The following LRP1B variants were observed in gnomAD, a reference collection of about 807,000 sequenced individuals.
LRP1B encodes the protein low-density lipoprotein receptor-related protein 1B.
Under a neutral mutation model 556.6 loss-of-function variants are expected in LRP1B, and 217 were observed. That is an observed-to-expected ratio of 0.39 (90% confidence interval 0.35 to 0.44). The LOEUF (loss-of-function observed/expected upper bound fraction) is 0.44. Ranked by LOEUF, LRP1B falls within the 20% of genes least tolerant of loss-of-function variation. The pLI is 1.00. For synonymous variants in LRP1B, 2,047 were observed against 1,865.8 expected, an observed-to-expected ratio of 1.10 and a Z score of -2.50; for missense variants, 5,053 against 5,620.8, an observed-to-expected ratio of 0.90 and a Z score of 3.23.
chr2:141,500,891 C>T (rs1683689121), intron 2 of LRP1B, among the ~76,000 whole-genome samples: 1 of 152,080 alleles, frequency 6.6e-6, no homozygotes, highest in South Asian at 2.1e-4. Context: ...ACAGTTATTT[C>T]TGACAACAGG....
rs541966308 is a variant in LRP1B at position 141,470,428 on chromosome 2, A to G, written c.343+9968T>C. Among the ~76,000 whole-genome samples, 8 of 152,250 alleles carry G rather than the reference A, an allele frequency of 5.3e-5. No individual in the cohort carries two copies. In the South Asian group the frequency reaches 1.5e-3, roughly 28 times the overall value. On this transcript the variant is annotated intron_variant, in intron 3 of 90. Transcript: ENST00000389484. ...TTTTTCCTTTTCAATCAATTAATAA[A>G]CCTGACAGGGAATATATAGTTAGCT...
chr2:141,926,152 GAAAATAAATACA>G (rs932495126), intron 1 of LRP1B, among the ~76,000 whole-genome samples: 2 of 152,066 alleles, frequency 1.3e-5, no homozygotes, highest in Non-Finnish European at 2.9e-5. Flanking sequence ...CATGCATACA[GAAAATAAATACA>G]TGAAGAGTGT....
chr2:141,806,170 A>G (rs1400420450), intron 2 of LRP1B, among the ~76,000 whole-genome samples: 1 of 152,128 alleles, frequency 6.6e-6, no homozygotes, highest in East Asian at 1.9e-4. Flanking sequence ...AAATTCTAGA[A>G]GGAATTAAAT....
At chr2:141,114,153 G>T (rs555776214) in intron 7 of LRP1B, among the ~76,000 whole-genome samples, 1 of 152,336 alleles carries the variant, frequency 6.6e-6, no homozygotes, top group Non-Finnish European at 1.5e-5. Context: ...GGGAGAGGGG[G>T]CACACAGGCA....
rs78151581 is a variant in LRP1B, at chr2:140,488,377, T to C, written c.9121-638A>G. ...AAGGAGGAACTGGGTAATCAACATG[T>C]TTTTATTCCACATGGTGGAAATGTG... is the stretch of plus-strand genomic sequence containing the variant. On this transcript the variant is annotated intron_variant, in intron 57 of 90. Transcript: ENST00000389484. Among the ~76,000 whole-genome samples, 539 of 152,118 alleles carry C rather than the reference T, an allele frequency of 3.5e-3. 8 individuals are homozygous for C. The highest frequency in any genetic ancestry group is 0.012 in the African/African-American group (500 of 41,548).
intron 37 of LRP1B, 51 bp from the exon 38 acceptor site, chr2:140,702,604 T>C (rs1295582274): frequency 1.9e-6 from 3 of 1,539,860 alleles, no homozygotes; most frequent in South Asian, 2.3e-5. Flanking sequence ...ATTTGTAGTA[T>C]GCAGAGCTAT....
intron 37 of LRP1B, among the ~76,000 whole-genome samples, chr2:140,705,556 A>AAAAAAAAAAC: frequency 7.6e-6 from 1 of 131,658 alleles, no homozygotes; most frequent in Non-Finnish European, 1.6e-5. Flanking sequence ...AAAAAAAAAA[A>AAAAAAAAAAC]AAAACACAGA....
At chr2:142,014,049 C>T (rs1703039241) in intron 1 of LRP1B, among the ~76,000 whole-genome samples, 1 of 152,276 alleles carries the variant, frequency 6.6e-6, no homozygotes, top group African/African-American at 2.4e-5. Flanking sequence ...TCCTTTATCA[C>T]AAACCCTTGC....
chr2:141,947,035 G>C (rs1390422892), intron 1 of LRP1B, among the ~76,000 whole-genome samples: 1 of 152,118 alleles, frequency 6.6e-6, no homozygotes, highest in African/African-American at 2.4e-5. Flanking sequence ...TGTGGTGTGA[G>C]TGACGCAAAG....
At chr2:142,111,947 TCA>T (rs1707002620) in intron 1 of LRP1B, among the ~76,000 whole-genome samples, 2 of 152,168 alleles carry the variant, frequency 1.3e-5, no homozygotes, top group South Asian at 4.1e-4. Context: ...ATGTAATTGA[TCA>T]GAGGTCACAG....
chr2:141,171,097 C>T (rs1680480726), intron 7 of LRP1B, among the ~76,000 whole-genome samples: 1 of 152,044 alleles, frequency 6.6e-6, no homozygotes, highest in African/African-American at 2.4e-5. Context: ...TACCTCCTGT[C>T]TTCCTCACTG....
intron 1 of LRP1B, among the ~76,000 whole-genome samples, chr2:141,947,799 T>A (rs531332800): frequency 1.8e-4 from 19 of 107,420 alleles, no homozygotes; most frequent in South Asian, 1.4e-3. Flanking sequence ...GCAAGAAAAA[T>A]TTTTTTTTAA....
At chr2:140,560,175 T>TAA (rs888629878) in intron 43 of LRP1B, among the ~76,000 whole-genome samples, 1 of 151,952 alleles carries the variant, frequency 6.6e-6, no homozygotes, top group Non-Finnish European at 1.5e-5. Flanking sequence ...AGGGACATGC[T>TAA]AAAAAACAAC....
At chr2:141,113,426 C>A (rs2104973209) in intron 7 of LRP1B, among the ~76,000 whole-genome samples, 1 of 152,260 alleles carries the variant, frequency 6.6e-6, no homozygotes, top group Non-Finnish European at 1.5e-5. Flanking sequence ...CAACACAATG[C>A]TGAATAAAGG....
intron 35 of LRP1B, among the ~76,000 whole-genome samples, chr2:140,734,327 A>G (rs1348527920): frequency 6.6e-6 from 1 of 152,226 alleles, no homozygotes; most frequent in East Asian, 1.9e-4. Flanking sequence ...TGGGGACTAG[A>G]CTTGGAAGAA....
intron 3 of LRP1B, among the ~76,000 whole-genome samples, chr2:141,345,160 A>G (rs1688198871): frequency 6.6e-6 from 1 of 151,214 alleles, no homozygotes; most frequent in Non-Finnish European, 1.5e-5. Context: ...TAGATTTTAG[A>G]AGCCAGGAAA....
At chr2:140,886,930 A>G (rs1173961626) in intron 23 of LRP1B, among the ~76,000 whole-genome samples, 1 of 152,178 alleles carries the variant, frequency 6.6e-6, no homozygotes, top group African/African-American at 2.4e-5. Flanking sequence ...GTAGGGAGAA[A>G]GGAAAGAAGC....
At chr2:140,261,057 GTA>G (rs35806990) in intron 86 of LRP1B, among the ~76,000 whole-genome samples, 9 of 149,490 alleles carry the variant, frequency 6.0e-5, no homozygotes, top group Non-Finnish European at 1.0e-4. Flanking sequence ...ATATGTGTGT[GTA>G]TATATATATA....
intron 3 of LRP1B, among the ~76,000 whole-genome samples, chr2:141,321,731 C>T (rs1687251281): frequency 6.6e-6 from 1 of 152,066 alleles, no homozygotes; most frequent in African/African-American, 2.4e-5. Flanking sequence ...TAAACAGTAA[C>T]TTGTTTTCCA....
Sources: gnomAD v4.1 joint callset for allele counts (sites outside exome capture counted in the v4.1 genomes callset) on GRCh38, gnomAD v4.1.1 for gene constraint, MANE v1.5 for transcripts, NCBI Gene and HGNC (gene_info 2026-07-23, HGNC 2026-07-21) for gene names.